Variants in TOMM70 observed in about 807,000 individuals in gnomAD.
TOMM70 encodes the protein translocase of outer mitochondrial membrane 70.
Under a neutral mutation model 73.6 loss-of-function variants are expected in TOMM70, and 13 were observed. The ratio of observed to expected loss-of-function variants is 0.18; its 90% CI spans 0.11 to 0.28. TOMM70 has a LOEUF of 0.28. Ranked by LOEUF, TOMM70 falls within the 10% of genes least tolerant of loss-of-function variation. TOMM70 has a pLI of 1.00. For synonymous variants in TOMM70, 257 were observed against 271.2 expected (o/e 0.95, Z 0.51); for missense variants, 609 against 747.5 (o/e 0.81, Z 2.16).
In TOMM70 at chr3:100,377,727, C is replaced by T; in HGVS notation, c.1070G>A (p.Ser357Asn). The T allele has an allele frequency of 6.2e-7, 1 of 1,613,406 alleles. No individual in the cohort carries two copies. The highest frequency in any genetic ancestry group is 8.5e-7 in the Non-Finnish European group (1 of 1,179,398). Residue 357 changes from serine to asparagine, a missense_variant, in exon 6 of 12, where the codon AGT becomes AAT. Around this residue, in one of 2 missense-constraint regions of TOMM70, gnomAD observed 432 missense variants for 584.1 expected, o/e 0.74. Transcript: ENST00000284320. ...TACCTTCACATTAGCTTCTTTCAAA[C>T]TGATGACTTTATCTAAATCTGGTTT... is the stretch of plus-strand genomic sequence containing the variant. ...AAKPDLDKVI[S>N]LKEANVKLRA... is the part of the protein sequence containing the mutation.
rs769599787 is a variant in TOMM70, at chr3:100,384,602, A to C, written c.626-14T>G. On this transcript the variant is annotated splice_polypyrimidine_tract_variant and intron_variant, in intron 3 of 11. Coordinates refer to ENST00000284320, the MANE Select transcript of TOMM70 (RefSeq NM_014820.5). ...CAGCAGTGACATCTAGAAATGATGA[A>C]AAACACAAGGGTAAATATAAAATTA... 6.6e-7 allele frequency: 1 copy of C among 1,510,696 alleles called. No individual in the cohort carries two copies. The highest frequency in any genetic ancestry group is 2.1e-5 in the Admixed American group (1 of 48,316). 93.6% of individuals were successfully genotyped at this position (1,510,696 alleles called of 1,614,324 possible). A position where few individuals can be genotyped will look rare whatever the true frequency, so the allele number is the denominator to read the frequency against.
intron 11 of TOMM70, 116 bp downstream of exon 11, chr3:100,367,928 A>G: frequency 1.7e-6 from 2 of 1,152,214 alleles, no homozygotes; most frequent in Non-Finnish European, 2.3e-6. Context: ...TCCAACGTGA[A>G]TAATACAGGT....
At chr3:100,396,405 T>A (rs1215618108) in intron 1 of TOMM70, among the ~76,000 whole-genome samples, 2 of 152,320 alleles carry the variant, frequency 1.3e-5, no homozygotes, top group Middle Eastern at 6.8e-3. Flanking sequence ...AACACAAGAA[T>A]GATGCATTTT....
chr3:100,378,018 G>A (rs1706584789), intron 5 of TOMM70, 106 bp from the exon 6 acceptor site: 2 of 920,652 alleles, frequency 2.2e-6, no homozygotes, highest in Non-Finnish European at 1.6e-6. Flanking sequence ...AGGCCGAGGT[G>A]GGCGGATCAC....
At chr3:100,390,679 A>T (rs1177132299) in intron 1 of TOMM70, among the ~76,000 whole-genome samples, 1 of 152,052 alleles carries the variant, frequency 6.6e-6, no homozygotes, top group Non-Finnish European at 1.5e-5. Flanking sequence ...ATACAAAACA[A>T]TTAGCCAGGT....
rs745639099 is a variant in TOMM70 at position 100,381,714 on chromosome 3, C to A, written c.785G>T (p.Ser262Ile). 7 of 1,612,188 alleles carry A rather than the reference C, an allele frequency of 4.3e-6. No individual in the cohort carries two copies. Among genetic ancestry groups the A allele is most frequent in the Non-Finnish European group, 5.9e-6 (7 of 1,178,988 alleles). Residue 262 changes from serine (S) to isoleucine (I), a missense_variant, in exon 5 of 12, where the codon AGT (serine) becomes ATT (isoleucine). By Grantham distance (142) the Ser-to-Ile change is moderately radical. Transcript: ENST00000284320. ...PSPQFIKSYF[S>I]SFTDDIISQP... Reference sequence around the variant, plus strand: ...GGAAATGATATCATCCGTGAAAGAACTGAAGTAAGATTTGATAAACTGTGG... The same window carrying A: ...GGAAATGATATCATCCGTGAAAGAAATGAAGTAAGATTTGATAAACTGTGG...
chr3:100,376,659 C>T (rs958609627), intron 6 of TOMM70, among the ~76,000 whole-genome samples: 2 of 151,642 alleles, frequency 1.3e-5, no homozygotes, highest in African/African-American at 4.9e-5. Flanking sequence ...AGGTAACAAA[C>T]ATTTAGTCCT....
chr3:100,399,758 T>C (rs1040940348), intron 1 of TOMM70, among the ~76,000 whole-genome samples: 23 of 146,036 alleles, frequency 1.6e-4, no homozygotes, highest in Non-Finnish European at 3.0e-4. Flanking sequence ...TTTTTTTGTA[T>C]GTGTGTGTAG....
intron 4 of TOMM70, 51 bp downstream of exon 4, chr3:100,384,428 C>A: frequency 7.8e-7 from 1 of 1,282,160 alleles, no homozygotes; most frequent in South Asian, 1.6e-5. Context: ...TAGAAAATAC[C>A]CTTCACAATG....
rs746098688 is a variant in TOMM70, at chr3:100,387,579, A to AAGACACAGACAC, written c.325-613_325-602dup. Among the ~76,000 whole-genome samples the AAGACACAGACAC allele has an allele frequency of 4.7e-3, 666 of 140,240 alleles. 10 individuals are homozygous for AAGACACAGACAC. The highest frequency in any genetic ancestry group is 0.017 in the African/African-American group (623 of 35,724). 92.0% of individuals were successfully genotyped at this position (140,240 alleles called of 152,430 possible). A position where few individuals can be genotyped will look rare whatever the true frequency, so the allele number is the denominator to read the frequency against. ...GGTGCACACCACCACGTCCAGCTAA[A>AAGACACAGACAC]AGACACAGACACAGACACAGACACA... is the stretch of plus-strand genomic sequence containing the variant. On this transcript the variant is annotated intron_variant, in intron 1 of 11. Transcript: ENST00000284320.
chr3:100,379,001 C>T lies in TOMM70; in HGVS notation c.885-1089G>A, dbSNP rs575234508. On this transcript the variant is annotated intron_variant, in intron 5 of 11. Coordinates refer to ENST00000284320, the MANE Select transcript of TOMM70 (RefSeq NM_014820.5). The stretch of plus-strand genomic sequence containing the variant: ...CAGCTTGGGCGACAGAGCGAGACTC[C>T]GTCTCAAATAAATAAATAAATAAAT... Among the ~76,000 whole-genome samples, 618 of 136,834 alleles carry T rather than the reference C, an allele frequency of 4.5e-3. 3 individuals are homozygous for T. Among genetic ancestry groups the T allele is most frequent in the South Asian group, 9.6e-3 (40 of 4,174 alleles). The allele number at this position is 136,834 out of a possible 152,430, so 89.8% of individuals were successfully genotyped here. A position where few individuals can be genotyped will look rare whatever the true frequency, so the allele number is the denominator to read the frequency against.
chr3:100,381,356 T>C (rs959519261), intron 5 of TOMM70, among the ~76,000 whole-genome samples: 1 of 152,108 alleles, frequency 6.6e-6, no homozygotes, highest in African/African-American at 2.4e-5. Context: ...TTTGAGAAGA[T>C]CATATAGGAC....
Position 100,386,931 on chromosome 3 carries a change from A to G in TOMM70, c.372T>C (p.Tyr124=). ...AQAAKNKGNK[Y]FKAGKYEQAI... ...CTTGTTCATATTTTCCTGCTTTAAAATATTTATTGCCTTTATTCTTGGCTG... is the reference window on the plus strand; with the variant it reads ...CTTGTTCATATTTTCCTGCTTTAAAGTATTTATTGCCTTTATTCTTGGCTG... Residue 124 remains tyrosine (Y), a synonymous_variant, in exon 2 of 12, where the codon TAT becomes TAC. Transcript: ENST00000284320. 2 of 1,614,122 alleles carry G rather than the reference A, an allele frequency of 1.2e-6. No homozygotes were observed. The highest frequency in any genetic ancestry group is 1.1e-5 in the South Asian group (1 of 91,086).
At chr3:100,378,427 G>A (rs1355208474) in intron 5 of TOMM70, among the ~76,000 whole-genome samples, 3 of 152,118 alleles carry the variant, frequency 2.0e-5, no homozygotes, top group African/African-American at 4.8e-5. Context: ...TGATGTAGAC[G>A]GGGATTTTCT....
chr3:100,376,310 A>AT (rs1029122286), intron 6 of TOMM70, among the ~76,000 whole-genome samples: 1 of 142,514 alleles, frequency 7.0e-6, no homozygotes, highest in Non-Finnish European at 1.5e-5. Flanking sequence ...ATTTGTGAAT[A>AT]TTTTTCCCAT....
rs533260085 is a variant in TOMM70 at position 100,387,377 on chromosome 3, G to C, written c.325-399C>G. The stretch of plus-strand genomic sequence containing the variant: ...CATGAGAATTGCTTGAATCTAGGAG[G>C]TGGAGGCTACAGTGAGCCGAGATCA... On this transcript the variant is annotated intron_variant, in intron 1 of 11. Coordinates refer to ENST00000284320, the MANE Select transcript of TOMM70 (RefSeq NM_014820.5). Among the ~76,000 whole-genome samples, 3 of 152,036 alleles carry C rather than the reference G, an allele frequency of 2.0e-5. No homozygotes were observed. The East Asian group carries it at 5.8e-4, about 29-fold the overall frequency.
At chr3:100,390,518 A>C (rs576261036) in intron 1 of TOMM70, among the ~76,000 whole-genome samples, 9 of 152,318 alleles carry the variant, frequency 5.9e-5, no homozygotes, top group African/African-American at 1.7e-4. Context: ...CTATGCTGTT[A>C]GATGTATAAA....
At chr3:100,390,616 C>T (rs1353515659) in intron 1 of TOMM70, among the ~76,000 whole-genome samples, 2 of 152,124 alleles carry the variant, frequency 1.3e-5, no homozygotes, top group Non-Finnish European at 2.9e-5. Flanking sequence ...CATTTGAGAT[C>T]AGGAGTTTGA....
At chr3:100,382,224 C>A (rs1318752629) in intron 4 of TOMM70, among the ~76,000 whole-genome samples, 3 of 152,196 alleles carry the variant, frequency 2.0e-5, no homozygotes, top group African/African-American at 7.2e-5. Flanking sequence ...GTGGAAATAA[C>A]ACACCCAAAA....
Sources: allele counts gnomAD v4.1 joint callset (sites outside exome capture counted in the v4.1 genomes callset), GRCh38; gene constraint gnomAD v4.1.1; regional missense constraint gnomAD v4.1.1; transcripts MANE v1.5; gene names NCBI Gene and HGNC (gene_info 2026-07-23, HGNC 2026-07-21).